Variants in STOM observed in about 807,000 individuals in gnomAD.
STOM encodes erythrocyte band 7 integral membrane protein.
STOM carries 25 observed loss-of-function variants against 30.6 expected under a neutral mutation model. The ratio of observed to expected loss-of-function variants is 0.82; its 90% CI spans 0.60 to 1.14. The LOEUF is 1.14. STOM is among the 50% of genes most tolerant of loss of function. The probability of loss-of-function intolerance (pLI) is 0.00; values close to 1 mark genes in which losing one functional copy is unlikely to be tolerated. For missense variants in STOM, 292 were observed against 365.2 expected (o/e 0.80, Z 1.63); for synonymous variants, 118 against 130.8 (o/e 0.90, Z 0.67).
chr9:121,361,406 T>A (rs2064450420), intron 1 of STOM, among the ~76,000 whole-genome samples: 1 of 131,130 alleles, frequency 7.6e-6, no homozygotes, highest in South Asian at 2.4e-4. Flanking sequence ...TTTTTTTTTT[T>A]TAGATGTAAT....
Position 121,339,983 on chromosome 9 carries a change from A to G in STOM, c.*1219T>C, listed in dbSNP as rs1270452607. 3 of 1,003,866 alleles carry G rather than the reference A, an allele frequency of 3.0e-6. No individual in the cohort carries two copies. The highest frequency in any genetic ancestry group is 2.0e-4 in the East Asian group (2 of 10,192). The allele number at this position is 1,003,866 out of a possible 1,614,324, so 62.2% of individuals were successfully genotyped here. ...CAGTGTACCACAGTTAACAGCATGC[A>G]GATAGTAAAATATAATGGTTTCCTG... On this transcript the variant is annotated 3_prime_UTR_variant, in exon 7 of 7. Transcript: ENST00000286713.
intron 2 of STOM, among the ~76,000 whole-genome samples, chr9:121,355,387 CA>C (rs36030273): frequency 0.2 from 19,318 of 96,026 alleles, 1,566 homozygotes; most frequent in East Asian, 0.38. Flanking sequence ...GGCTCTGGCT[CA>C]AAAAAAAAAA....
At chr9:121,355,295 G>A (rs2134034465) in intron 2 of STOM, among the ~76,000 whole-genome samples, 1 of 146,564 alleles carries the variant, frequency 6.8e-6, no homozygotes, top group South Asian at 2.2e-4. Flanking sequence ...GGCTGAGGCA[G>A]AAGAATCGCT....
intron 4 of STOM, among the ~76,000 whole-genome samples, chr9:121,349,689 T>A (rs1397075649): frequency 1.3e-5 from 2 of 151,954 alleles, no homozygotes; most frequent in African/African-American, 4.8e-5. Flanking sequence ...GGAATACAAT[T>A]TTTCTGAGGG....
chr9:121,362,455 T>C (rs534766607), intron 1 of STOM, among the ~76,000 whole-genome samples: 1 of 152,314 alleles, frequency 6.6e-6, no homozygotes, highest in South Asian at 2.1e-4. Flanking sequence ...TTAATTCCAT[T>C]TTATATGATG....
intron 6 of STOM, among the ~76,000 whole-genome samples, chr9:121,342,970 C>T (rs1431139524): frequency 6.6e-6 from 1 of 152,160 alleles, no homozygotes; most frequent in African/African-American, 2.4e-5. Flanking sequence ...TACTGAACAT[C>T]CTGAACCTCA....
chr9:121,350,458 CTCTA>C (rs2064329500), intron 4 of STOM, among the ~76,000 whole-genome samples: 2 of 152,202 alleles, frequency 1.3e-5, no homozygotes, highest in Admixed American at 6.5e-5. Flanking sequence ...TTCTTTGTAA[CTCTA>C]ACACTGGCAG....
intron 6 of STOM, among the ~76,000 whole-genome samples, chr9:121,346,511 A>G (rs1300978490): frequency 1.3e-5 from 2 of 152,252 alleles, no homozygotes; most frequent in East Asian, 1.9e-4. Flanking sequence ...TCTACGTAGT[A>G]TATGTATGGT....
intron 1 of STOM, among the ~76,000 whole-genome samples, chr9:121,362,550 G>A (rs1352622891): frequency 6.6e-6 from 1 of 152,054 alleles, no homozygotes; most frequent in African/African-American, 2.4e-5. Context: ...CTTATTTCCT[G>A]TGTAAGTTAA....
At chr9:121,343,221 T>G (rs1426464231) in intron 6 of STOM, among the ~76,000 whole-genome samples, 2 of 152,188 alleles carry the variant, frequency 1.3e-5, no homozygotes, top group African/African-American at 4.8e-5. Context: ...AGATTAAAAG[T>G]ACAATTTCTC....
rs761443183 is a variant in STOM at position 121,356,076 on chromosome 9, T to G, written c.142A>C (p.Ile48Leu). 3.1e-6 allele frequency: 5 copies of G among 1,613,944 alleles called. No individual in the cohort carries two copies. The highest frequency in any genetic ancestry group is 1.7e-5 in the Admixed American group (1 of 59,996). The stretch of plus-strand genomic sequence containing the variant: ...ACCTTTATGCACATCCATATTGAGA[T>G]TGGGAAAGTTATAACGGTGAATAAG... ...SFLFTVITFP[I>L]SIWMCIKIIK... Residue 48 changes from isoleucine to leucine, a missense_variant, in exon 2 of 7, where the codon ATC becomes CTC. Physicochemically the swap from Ile to Leu is conservative, Grantham distance 5. Transcript: ENST00000286713.
At chr9:121,357,378 T>C in intron 1 of STOM, among the ~76,000 whole-genome samples, 1 of 147,258 alleles carries the variant, frequency 6.8e-6, no homozygotes, top group Non-Finnish European at 1.5e-5. Context: ...GGTATTTTGG[T>C]ATATTCTTTG....
intron 6 of STOM, among the ~76,000 whole-genome samples, chr9:121,347,185 C>G (rs1375271696): frequency 6.6e-6 from 1 of 152,216 alleles, no homozygotes; most frequent in East Asian, 1.9e-4. Flanking sequence ...CACAAGCTAT[C>G]TACAGTGAGA....
chr9:121,358,356 G>A (rs1445652990), intron 1 of STOM, among the ~76,000 whole-genome samples: 5 of 151,840 alleles, frequency 3.3e-5, no homozygotes, highest in Admixed American at 1.3e-4. Flanking sequence ...CCCAGCTACT[G>A]AGGAGACTGA....
chr9:121,370,174 C>T lies in STOM; in HGVS notation c.14G>A (p.Arg5Gln), dbSNP rs1564634801. ...CTGGGCTTCGGAGTCCCGTGTGTGCCGCTTCTCGGCCATGCTGCCCGAGAC... is the reference window on the plus strand; with the variant it reads ...CTGGGCTTCGGAGTCCCGTGTGTGCTGCTTCTCGGCCATGCTGCCCGAGAC... MAEKRHTRDSEAQRL... is the reference protein window; with the variant it reads MAEKQHTRDSEAQRL... Residue 5 changes from arginine to glutamine, a missense_variant, in exon 1 of 7, where the codon CGG (arginine) becomes CAG (glutamine). Arg to Gln is a conservative substitution (Grantham distance 43, BLOSUM62 1). Transcript: ENST00000286713. 3.9e-6 allele frequency: 6 copies of T among 1,548,146 alleles called. No individual in the cohort carries two copies. In the South Asian group the frequency reaches 6.0e-5, roughly 15 times the overall value.
At chr9:121,367,850 T>A (rs1380710037) in intron 1 of STOM, among the ~76,000 whole-genome samples, 1 of 152,258 alleles carries the variant, frequency 6.6e-6, no homozygotes, top group African/African-American at 2.4e-5. Context: ...GACAAGGTTC[T>A]ACATTTTGGT....
At chr9:121,346,662 C>T (rs1280593658) in intron 6 of STOM, among the ~76,000 whole-genome samples, 5 of 152,252 alleles carry the variant, frequency 3.3e-5, no homozygotes, top group Middle Eastern at 3.4e-3. Context: ...ATCTTCTAAA[C>T]GTAACAGTTT....
chr9:121,363,898 G>T (rs896363057), intron 1 of STOM, among the ~76,000 whole-genome samples: 62 of 152,146 alleles, frequency 4.1e-4, no homozygotes, highest in Admixed American at 4.0e-3. Flanking sequence ...CCTTTATAAG[G>T]CCTGATAAAC....
At chr9:121,363,468 G>C (rs546741206) in intron 1 of STOM, among the ~76,000 whole-genome samples, 1 of 152,166 alleles carries the variant, frequency 6.6e-6, no homozygotes, top group Non-Finnish European at 1.5e-5. Flanking sequence ...TAAAGAACCA[G>C]GAACTAAATA....
Sources: allele counts gnomAD v4.1 joint callset (sites outside exome capture counted in the v4.1 genomes callset), GRCh38; gene constraint gnomAD v4.1.1; transcripts MANE v1.5; gene names NCBI Gene and HGNC (gene_info 2026-07-23, HGNC 2026-07-21).